TNFRSF19: variants seen among roughly 807,000 people sequenced by gnomAD.
The protein encoded by TNFRSF19 is TNF receptor superfamily member 19, also known as tumor necrosis factor receptor superfamily member 19.
In TNFRSF19, 27 loss-of-function variants were observed where a neutral mutation model predicts 46.4. The observed-to-expected ratio is 0.58, with a 90% CI of 0.43 to 0.80. The LOEUF (loss-of-function observed/expected upper bound fraction) is 0.80, where lower values mean the gene tolerates loss of function less well. TNFRSF19 is among the 30% of genes least tolerant of loss of function. The pLI is 0.00. For synonymous variants in TNFRSF19, 204 were observed against 205.0 expected (o/e 1.00, Z 0.04); for missense variants, 511 against 530.8 (o/e 0.96, Z 0.37).
At chr13:23,586,626 A>G (rs1878862354) in intron 1 of TNFRSF19, among the ~76,000 whole-genome samples, 1 of 152,228 alleles carries the variant, frequency 6.6e-6, no homozygotes. Context: ...AGAAGGCACA[A>G]GGGGTGTGCA....
At chr13:23,573,939 G>A (rs982540932) in intron 1 of TNFRSF19, among the ~76,000 whole-genome samples, 3 of 151,816 alleles carry the variant, frequency 2.0e-5, no homozygotes, top group African/African-American at 4.8e-5. Flanking sequence ...GCAGGCGCCT[G>A]TAGTCCCAGC....
rs959212344 is a variant in TNFRSF19 at position 23,619,784 on chromosome 13, G to A, written c.359+3739G>A. Reference sequence around the variant, plus strand: ...TGAGGAGGTCTACAGGGGATGTACAGGCTGAGATAGGCAGTGCCCAGGGAG... The same window carrying A: ...TGAGGAGGTCTACAGGGGATGTACAAGCTGAGATAGGCAGTGCCCAGGGAG... On this transcript the variant is annotated intron_variant, in intron 4 of 9. Transcript: ENST00000248484. 2.0e-5 allele frequency among the ~76,000 whole-genome samples: 3 copies of A among 152,292 alleles called. No homozygotes were observed. In the East Asian group the frequency reaches 5.8e-4, roughly 29 times the overall value.
Position 23,659,229 on chromosome 13 carries a change from C to T in TNFRSF19, c.610+15C>T, listed in dbSNP as rs777560793. 1.3e-6 allele frequency: 2 copies of T among 1,595,030 alleles called. No individual in the cohort carries two copies. Among genetic ancestry groups the T allele is most frequent in the East Asian group, 4.5e-5 (2 of 44,448 alleles). ...GAAACCCAGCTGTAAGTTTTGAGCTCATTACATTTCTTAGCATTTAGGGGA... is the reference window on the plus strand; with the variant it reads ...GAAACCCAGCTGTAAGTTTTGAGCTTATTACATTTCTTAGCATTTAGGGGA... On this transcript the variant is annotated intron_variant, in intron 6 of 9. Transcript: ENST00000248484. The surrounding 1 kb of genome is among the most constrained non-coding windows in gnomAD (Gnocchi z 4.9).
intron 9 of TNFRSF19, among the ~76,000 whole-genome samples, chr13:23,671,136 T>C (rs570237559): frequency 3.3e-5 from 5 of 152,276 alleles, no homozygotes; most frequent in African/African-American, 9.6e-5. Context: ...TTTAGAAACA[T>C]GTTTTAGTTG....
At chr13:23,628,780 TAC>T (rs1491081557) in intron 5 of TNFRSF19, among the ~76,000 whole-genome samples, 3 of 152,142 alleles carry the variant, frequency 2.0e-5, no homozygotes, top group Admixed American at 1.3e-4. Flanking sequence ...TATATATATA[TAC>T]ATATATATGT....
At position 23,668,064 on chromosome 13, in the gene TNFRSF19, C is replaced by T. The variant is rs1476302768; in HGVS notation, c.821C>T (p.Ala274Val). 3 of 1,606,996 alleles carry T rather than the reference C, an allele frequency of 1.9e-6. No homozygotes were observed. The Admixed American group carries it at 5.1e-5, about 27-fold the overall frequency. ...ACTCTTGGTTGTGGGGTGCATTCTG[C>T]AGCCAGTCTTCAGGCAAGGTAACTA... ...PATLGCGVHS[A>V]ASLQARNAGP... The change falls in exon 8 of 10, where the codon GCA becomes GTA. Residue 274 changes from alanine to valine, a missense_variant. This residue lies in a region of TNFRSF19 where 376 missense variants were observed against 372.7 expected (regional missense o/e 1.01). Coordinates refer to ENST00000248484, the MANE Select transcript of TNFRSF19 (RefSeq NM_148957.4).
chr13:23,584,735 T>G (rs941549060), intron 1 of TNFRSF19, among the ~76,000 whole-genome samples: 3 of 152,088 alleles, frequency 2.0e-5, no homozygotes, highest in African/African-American at 7.2e-5. Context: ...TTTTTAGGGT[T>G]TTTAGTAGAA....
chr13:23,583,456 A>C (rs1878602645), intron 1 of TNFRSF19, among the ~76,000 whole-genome samples: 1 of 152,210 alleles, frequency 6.6e-6, no homozygotes, highest in Admixed American at 6.5e-5. Context: ...TAAAAGTAAG[A>C]TGTTTAAACA....
Position 23,573,645 on chromosome 13 carries a change from A to C in TNFRSF19, c.-35+2797A>C, listed in dbSNP as rs117835361. Among the ~76,000 whole-genome samples the C allele has an allele frequency of 9.3e-3, 1,410 of 152,282 alleles. 7 individuals are homozygous for C. Among genetic ancestry groups the C allele is most frequent in the Non-Finnish European group, 0.015 (1,001 of 68,018 alleles). ...GGAAATTCCCAGTGGGATTCTGTGAAACTTCAGTTGACAAACTCAATGTGC... is the reference window on the plus strand; with the variant it reads ...GGAAATTCCCAGTGGGATTCTGTGACACTTCAGTTGACAAACTCAATGTGC... On this transcript the variant is annotated intron_variant, in intron 1 of 9. Transcript: ENST00000248484.
rs763740532 is a variant in TNFRSF19 at position 23,659,345 on chromosome 13, G to C, written c.610+131G>C. 6 of 976,930 alleles carry C rather than the reference G, an allele frequency of 6.1e-6. No individual in the cohort carries two copies. The highest frequency in any genetic ancestry group is 9.0e-6 in the Non-Finnish European group (6 of 669,926). 60.5% of individuals were successfully genotyped at this position (976,930 alleles called of 1,614,324 possible). ...AGTTGTGAAAGAACGCAGGGCACAA[G>C]AAACACAGGTGATCCCTGAACAGCA... On this transcript the variant is annotated intron_variant, in intron 6 of 9. Transcript: ENST00000248484. This position sits in a 1 kb window ranked among gnomAD's most constrained non-coding sequence, Gnocchi z 4.9.
intron 1 of TNFRSF19, among the ~76,000 whole-genome samples, chr13:23,581,577 A>G (rs576559902): frequency 6.6e-6 from 1 of 152,320 alleles, no homozygotes; most frequent in African/African-American, 2.4e-5. Flanking sequence ...CTTTTTACAT[A>G]TATTTTATAA....
chr13:23,675,856 TAG>T lies in TNFRSF19; in HGVS notation c.*2480_*2481del, dbSNP rs1177104296. On this transcript the variant is annotated 3_prime_UTR_variant, in exon 10 of 10. Transcript: ENST00000248484. The stretch of plus-strand genomic sequence containing the variant: ...TGTGTATATGGAATATATTTTTAAA[TAG>T]AGATTTTTCTACTTTAGATAATGTG... The T allele has an allele frequency of 6.6e-6, 1 of 152,184 alleles. No individual in the cohort carries two copies. The highest frequency in any genetic ancestry group is 1.5e-5 in the Non-Finnish European group (1 of 68,026). 9.4% of individuals were successfully genotyped at this position (152,184 alleles called of 1,614,324 possible).
rs1478903055 is a variant in TNFRSF19 at position 23,659,952 on chromosome 13, C to T, written c.611-413C>T. 6.6e-6 allele frequency among the ~76,000 whole-genome samples: 1 copy of T among 152,140 alleles called. No homozygotes were observed. Among genetic ancestry groups the T allele is most frequent in the Non-Finnish European group, 1.5e-5 (1 of 68,028 alleles). On this transcript the variant is annotated intron_variant, in intron 6 of 9. Coordinates refer to ENST00000248484, the MANE Select transcript of TNFRSF19 (RefSeq NM_148957.4). This position sits in a 1 kb window ranked among gnomAD's most constrained non-coding sequence, Gnocchi z 4.9. Reference sequence around the variant, plus strand: ...TAAAGGCCTTCATCCTCATCATCTTCATGTTGAGTGGGCTGAGGAGGAGGA... The same window carrying T: ...TAAAGGCCTTCATCCTCATCATCTTTATGTTGAGTGGGCTGAGGAGGAGGA...
chr13:23,616,531 C>T (rs1383354064), intron 4 of TNFRSF19, among the ~76,000 whole-genome samples: 1 of 152,122 alleles, frequency 6.6e-6, no homozygotes, highest in African/African-American at 2.4e-5. Context: ...GCAAAGATCC[C>T]TGCCCATGGG....
intron 2 of TNFRSF19, among the ~76,000 whole-genome samples, chr13:23,591,102 A>T (rs540464739): frequency 6.6e-6 from 1 of 152,364 alleles, no homozygotes; most frequent in South Asian, 2.1e-4. Flanking sequence ...TAAAATAATG[A>T]TCTACAGATA....
chr13:23,597,750 G>A, intron 3 of TNFRSF19, among the ~76,000 whole-genome samples: 1 of 152,114 alleles, frequency 6.6e-6, no homozygotes, highest in East Asian at 1.9e-4. Flanking sequence ...CATTTTATGA[G>A]GTCAGCATCA....
chr13:23,634,271 C>T (rs777393866), intron 5 of TNFRSF19, among the ~76,000 whole-genome samples: 3 of 152,214 alleles, frequency 2.0e-5, no homozygotes, highest in Non-Finnish European at 4.4e-5. Context: ...AGCTGCTCTT[C>T]AAAGTCGCTG....
intron 9 of TNFRSF19, among the ~76,000 whole-genome samples, chr13:23,672,830 CTG>C (rs1366301167): frequency 1.3e-5 from 2 of 152,226 alleles, no homozygotes; most frequent in African/African-American, 4.8e-5. Context: ...CCGATAAGGA[CTG>C]TGAGTATGCT....
At chr13:23,657,304 G>T (rs1348611817) in intron 5 of TNFRSF19, among the ~76,000 whole-genome samples, 4 of 152,148 alleles carry the variant, frequency 2.6e-5, no homozygotes, top group African/African-American at 4.8e-5. Context: ...TCTCTCTGGG[G>T]CTGTAGTCTC....
Sources: allele counts gnomAD v4.1 joint callset (sites outside exome capture counted in the v4.1 genomes callset), GRCh38; gene constraint gnomAD v4.1.1; regional missense constraint gnomAD v4.1.1; non-coding constraint Gnocchi (gnomAD v3.1); transcripts MANE v1.5; gene names NCBI Gene and HGNC (gene_info 2026-07-23, HGNC 2026-07-21).